The following PJA2 variants were observed in gnomAD, a reference collection of about 807,000 sequenced individuals.
The protein encoded by PJA2 is praja ring finger ubiquitin ligase 2.
A neutral mutation model predicts 69.3 loss-of-function variants in PJA2; 25 were observed. That is an observed-to-expected ratio of 0.36 (90% CI 0.26 to 0.50). The LOEUF (loss-of-function observed/expected upper bound fraction) is 0.50, where lower values mean the gene tolerates loss of function less well. PJA2 is among the 20% of genes least tolerant of loss of function. The pLI is 0.96. For synonymous variants in PJA2, 308 were observed against 277.8 expected (o/e 1.11, Z -1.08); for missense variants, 809 against 830.2 (o/e 0.97, Z 0.31).
intron 1 of PJA2, 50 bp from the exon 2 acceptor site, chr5:109,383,570 AG>A (rs1747097338): frequency 1.6e-6 from 1 of 638,950 alleles, no homozygotes; most frequent in African/African-American, 1.8e-5. Context: ...GCACAAAAAT[AG>A]CAAAACTGAT....
chr5:109,367,611 CA>C (rs1488969699), intron 5 of PJA2, among the ~76,000 whole-genome samples: 2 of 151,990 alleles, frequency 1.3e-5, no homozygotes, highest in African/African-American at 4.8e-5. Flanking sequence ...ATCTTTTTAG[CA>C]AAGCAAGTAC....
chr5:109,409,531 G>A (rs1200675426), intron 1 of PJA2, among the ~76,000 whole-genome samples: 2 of 152,120 alleles, frequency 1.3e-5, no homozygotes, highest in African/African-American at 2.4e-5. Context: ...AGAAGAGGCA[G>A]CAGTAAAGAG....
chr5:109,353,978 ATAGAT>A (rs1395764861), intron 7 of PJA2, among the ~76,000 whole-genome samples: 2 of 138,334 alleles, frequency 1.4e-5, no homozygotes, highest in African/African-American at 5.3e-5. Context: ...AGAGATATCT[ATAGAT>A]TAGATAGATA....
Position 109,381,713 on chromosome 5 carries a change from A to C in PJA2, c.32-10T>G. 6.2e-7 allele frequency: 1 copy of C among 1,612,082 alleles called. No homozygotes were observed. Among genetic ancestry groups the C allele is most frequent in the Non-Finnish European group, 8.5e-7 (1 of 1,179,842 alleles). ...GATTCTTGGTCCATTGCTGAAAAAA[A>C]AGTTAAAAAATTAAAACAGGAACAG... On this transcript the variant is annotated splice_polypyrimidine_tract_variant and intron_variant, in intron 2 of 9. Coordinates refer to ENST00000361189, the MANE Select transcript of PJA2 (RefSeq NM_014819.5).
chr5:109,364,274 C>T (rs1260109090), intron 5 of PJA2, among the ~76,000 whole-genome samples: 2 of 152,028 alleles, frequency 1.3e-5, no homozygotes, highest in Non-Finnish European at 2.9e-5. Context: ...TGTATATGCA[C>T]CCCCCACCTC....
chr5:109,379,104 C>A lies in PJA2; in HGVS notation c.383G>T (p.Gly128Val). Reference sequence around the variant, plus strand: ...TGTACTGCTTCCTAAGGTATCCCTGCCTTCCTCACTGTGATGTACTGCAAC... The same window carrying A: ...TGTACTGCTTCCTAAGGTATCCCTGACTTCCTCACTGTGATGTACTGCAAC... ...SFVAVHHSEE[G>V]RDTLGSSTNL... The change falls in exon 4 of 10, where the codon GGC becomes GTC. Residue 128 changes from glycine (G) to valine (V), a missense_variant. This residue lies in a region of PJA2 where 700 missense variants were observed against 639.5 expected (regional missense o/e 1.09). Coordinates refer to ENST00000361189, the MANE Select transcript of PJA2 (RefSeq NM_014819.5). The A allele has an allele frequency of 6.2e-7, 1 of 1,614,030 alleles. No homozygotes were observed. The highest frequency in any genetic ancestry group is 8.5e-7 in the Non-Finnish European group (1 of 1,180,010).
Position 109,386,272 on chromosome 5 carries a change from AG to A in PJA2, c.-87-2753del, listed in dbSNP as rs1747154977. 4.6e-5 allele frequency among the ~76,000 whole-genome samples: 7 copies of A among 152,318 alleles called. No individual in the cohort carries two copies. The South Asian group carries it at 1.5e-3, about 32-fold the overall frequency. On this transcript the variant is annotated intron_variant, in intron 1 of 9. Coordinates refer to ENST00000361189, the MANE Select transcript of PJA2 (RefSeq NM_014819.5). ...GAACACCAAGTGAAGAAAGTGTTTT[AG>A]GCAGAACTGATCGTGCCAAAAGTTA... is the stretch of plus-strand genomic sequence containing the variant.
At chr5:109,352,760 T>C (rs1197561027) in intron 7 of PJA2, among the ~76,000 whole-genome samples, 1 of 151,816 alleles carries the variant, frequency 6.6e-6, no homozygotes, top group Admixed American at 6.6e-5. Flanking sequence ...TGTGCACAGA[T>C]GGACAGATAT....
At chr5:109,338,661 A>AT in intron 9 of PJA2, among the ~76,000 whole-genome samples, 1 of 146,770 alleles carries the variant, frequency 6.8e-6, no homozygotes, top group African/African-American at 2.6e-5. Flanking sequence ...AAAAAAAAAA[A>AT]TTTCATTTCA....
intron 1 of PJA2, among the ~76,000 whole-genome samples, chr5:109,391,231 C>A (rs1747274398): frequency 6.6e-6 from 1 of 152,108 alleles, no homozygotes; most frequent in Non-Finnish European, 1.5e-5. Context: ...ATATAGCTCA[C>A]CCTACATGTA....
Position 109,379,219 on chromosome 5 carries a change from G to A in PJA2, c.268C>T (p.Pro90Ser), listed in dbSNP as rs767484258. ...SPLDQVDSSL[P>S]SEPIFEKSET... ...CTTTTTTCAAATATAGGTTCACTGG[G>A]TAAAGAAGAATCAACTTGATCCAAA... is the stretch of plus-strand genomic sequence containing the variant. The change falls in exon 4 of 10, where the codon CCC (proline) becomes TCC (serine). Residue 90 changes from proline (P) to serine (S), a missense_variant. This residue lies in a region of PJA2 where 700 missense variants were observed against 639.5 expected (regional missense o/e 1.09). Coordinates refer to ENST00000361189, the MANE Select transcript of PJA2 (RefSeq NM_014819.5). 1 of 1,612,522 alleles carries A rather than the reference G, an allele frequency of 6.2e-7. No individual in the cohort carries two copies. The highest frequency in any genetic ancestry group is 8.5e-7 in the Non-Finnish European group (1 of 1,179,464).
intron 6 of PJA2, among the ~76,000 whole-genome samples, chr5:109,357,785 G>A (rs1762438627): frequency 6.6e-6 from 1 of 152,184 alleles, no homozygotes; most frequent in South Asian, 2.1e-4. Context: ...CTTTTGCTCT[G>A]TTGCTGTAAT....
chr5:109,344,360 TA>T (rs1212515084), intron 8 of PJA2, 49 bp from the exon 9 acceptor site: 5 of 1,548,840 alleles, frequency 3.2e-6, no homozygotes, highest in Non-Finnish European at 4.4e-6. Context: ...TCAATTTTAG[TA>T]AAACTGAAAA....
At chr5:109,407,568 T>C (rs1333415063) in intron 1 of PJA2, among the ~76,000 whole-genome samples, 3 of 152,080 alleles carry the variant, frequency 2.0e-5, no homozygotes, top group African/African-American at 4.8e-5. Flanking sequence ...AGATGTATAA[T>C]TGCAAAAGCA....
intron 7 of PJA2, among the ~76,000 whole-genome samples, chr5:109,351,947 CAG>C (rs1411844736): frequency 6.6e-6 from 1 of 151,932 alleles, no homozygotes; most frequent in Non-Finnish European, 1.5e-5. Context: ...CACAGAAAAA[CAG>C]ATTTCTGAAG....
intron 7 of PJA2, among the ~76,000 whole-genome samples, chr5:109,352,488 G>A (rs1243942688): frequency 6.6e-6 from 1 of 152,070 alleles, no homozygotes; most frequent in East Asian, 1.9e-4. Context: ...AAGTTACCAT[G>A]CTATACCATT....
intron 1 of PJA2, among the ~76,000 whole-genome samples, chr5:109,399,379 G>C (rs571169588): frequency 3.1e-4 from 47 of 152,234 alleles, no homozygotes; most frequent in African/African-American, 9.6e-4. Flanking sequence ...TCAGCATCAA[G>C]AAACAACAGT....
At chr5:109,396,473 C>CTA (rs1747414634) in intron 1 of PJA2, among the ~76,000 whole-genome samples, 1 of 131,348 alleles carries the variant, frequency 7.6e-6, no homozygotes, top group African/African-American at 3.0e-5. Flanking sequence ...GTGGCCCAGG[C>CTA]TAGAGTGCAG....
chr5:109,390,328 T>G (rs1186198033), intron 1 of PJA2, among the ~76,000 whole-genome samples: 4 of 152,012 alleles, frequency 2.6e-5, no homozygotes, highest in Admixed American at 2.6e-4. Flanking sequence ...CCACTCATCA[T>G]GATTTTTTTT....
Sources: allele counts gnomAD v4.1 joint callset (sites outside exome capture counted in the v4.1 genomes callset), GRCh38; gene constraint gnomAD v4.1.1; regional missense constraint gnomAD v4.1.1; transcripts MANE v1.5; gene names NCBI Gene and HGNC (gene_info 2026-07-23, HGNC 2026-07-21).